Variants in ROBO2 observed in about 807,000 individuals in gnomAD.
The protein encoded by ROBO2 is roundabout homolog 2.
In ROBO2, 53 loss-of-function variants were observed where a neutral mutation model predicts 160.8. The ratio of observed to expected loss-of-function variants is 0.33; its 90% CI spans 0.26 to 0.41. The LOEUF (loss-of-function observed/expected upper bound fraction) is 0.41. ROBO2 is among the 10% of genes least tolerant of loss of function. ROBO2 has a pLI of 1.00. For synonymous variants in ROBO2, 664 were observed against 611.7 expected (o/e 1.09, Z -1.26); for missense variants, 1,577 against 1,722.4 (o/e 0.92, Z 1.49).
chr3:76,299,913 G>T (rs1392433653), intron 2 of ROBO2, among the ~76,000 whole-genome samples: 6 of 152,114 alleles, frequency 3.9e-5, no homozygotes, highest in Admixed American at 1.3e-4. Context: ...AAAGGGAAAG[G>T]TTGCAAAACA....
At chr3:76,086,803 C>A (rs1363235865) in intron 2 of ROBO2, among the ~76,000 whole-genome samples, 2 of 151,796 alleles carry the variant, frequency 1.3e-5, no homozygotes, top group Non-Finnish European at 2.9e-5. Flanking sequence ...AAAAAGTAAA[C>A]AACTTGGAAG....
At chr3:76,095,872 G>A (rs906204880) in intron 2 of ROBO2, among the ~76,000 whole-genome samples, 2 of 151,776 alleles carry the variant, frequency 1.3e-5, no homozygotes, top group Non-Finnish European at 2.9e-5. Flanking sequence ...AGACATAAAT[G>A]TGTAAAATAT....
chr3:76,995,684 T>G (rs974185114), intron 2 of ROBO2, among the ~76,000 whole-genome samples: 1 of 152,164 alleles, frequency 6.6e-6, no homozygotes, highest in East Asian at 1.9e-4. Flanking sequence ...TTTTGATTTG[T>G]ATTTCTCTGA....
chr3:76,005,354 G>A (rs1319073693), intron 2 of ROBO2, among the ~76,000 whole-genome samples: 5 of 152,202 alleles, frequency 3.3e-5, no homozygotes, highest in African/African-American at 4.8e-5. Context: ...AGAGCAGAAA[G>A]CATCAAATAT....
intron 2 of ROBO2, among the ~76,000 whole-genome samples, chr3:76,694,748 G>A (rs2092892156): frequency 6.6e-6 from 1 of 151,962 alleles, no homozygotes; most frequent in Admixed American, 6.6e-5. Flanking sequence ...ATGAAGCAGA[G>A]GAAATTATGT....
At chr3:76,085,650 T>C (rs1212932700) in intron 2 of ROBO2, among the ~76,000 whole-genome samples, 2 of 152,090 alleles carry the variant, frequency 1.3e-5, no homozygotes, top group Non-Finnish European at 2.9e-5. Flanking sequence ...CCCCTGAAAT[T>C]GGAGAGAGAC....
rs148416744 is a variant in ROBO2, at chr3:76,630,083, G to A, written c.110-467931G>A. Among the ~76,000 whole-genome samples, 263 of 152,274 alleles carry A rather than the reference G, an allele frequency of 1.7e-3. 2 individuals are homozygous for A. The highest frequency in any genetic ancestry group is 5.9e-3 in the African/African-American group (246 of 41,562). Reference sequence around the variant, plus strand: ...TTTGCATTCTTCTTCTAGTACAGCAGCTCCTCAAATAATGTCATTTTGTTA... The same window carrying A: ...TTTGCATTCTTCTTCTAGTACAGCAACTCCTCAAATAATGTCATTTTGTTA... On this transcript the variant is annotated intron_variant, in intron 2 of 26. Transcript: ENST00000487694.
chr3:76,566,120 A>C (rs756552625), intron 2 of ROBO2, among the ~76,000 whole-genome samples: 1 of 152,096 alleles, frequency 6.6e-6, no homozygotes, highest in Non-Finnish European at 1.5e-5. Flanking sequence ...GTGTGAAGGC[A>C]GACTCAAGAG....
At chr3:77,200,304 TATATATATATATA>T (rs2082757603) in intron 2 of ROBO2, among the ~76,000 whole-genome samples, 5 of 85,974 alleles carry the variant, frequency 5.8e-5, no homozygotes, top group South Asian at 6.8e-4. Flanking sequence ...TATATATATA[TATATATATATATA>T]TATATTTTAG....
chr3:76,199,619 A>C (rs1702424486), intron 2 of ROBO2, among the ~76,000 whole-genome samples: 1 of 152,144 alleles, frequency 6.6e-6, no homozygotes, highest in African/African-American at 2.4e-5. Flanking sequence ...AACCTGACCC[A>C]CAAACTCTGC....
At chr3:76,678,863 G>A (rs533492932) in intron 2 of ROBO2, among the ~76,000 whole-genome samples, 3 of 152,194 alleles carry the variant, frequency 2.0e-5, no homozygotes, top group South Asian at 4.1e-4. Flanking sequence ...TAATTTATGA[G>A]TTTTTAATGG....
At chr3:76,375,418 C>T (rs2076294811) in intron 2 of ROBO2, among the ~76,000 whole-genome samples, 1 of 151,946 alleles carries the variant, frequency 6.6e-6, no homozygotes, top group Non-Finnish European at 1.5e-5. Flanking sequence ...TCCACGCATG[C>T]AGTCATGTAT....
At chr3:76,266,787 TG>T (rs1311486414) in intron 2 of ROBO2, among the ~76,000 whole-genome samples, 1 of 152,146 alleles carries the variant, frequency 6.6e-6, no homozygotes, top group African/African-American at 2.4e-5. Flanking sequence ...ACCAAACTTT[TG>T]TGATATTTCA....
intron 2 of ROBO2, among the ~76,000 whole-genome samples, chr3:77,447,902 C>A (rs2080721928): frequency 6.6e-6 from 1 of 152,058 alleles, no homozygotes; most frequent in Non-Finnish European, 1.5e-5. Context: ...TACTCAAGGT[C>A]ATATGTGTGA....
At chr3:77,208,190 T>G (rs776885396) in intron 2 of ROBO2, among the ~76,000 whole-genome samples, 12 of 152,176 alleles carry the variant, frequency 7.9e-5, no homozygotes, top group Non-Finnish European at 1.0e-4. Context: ...TGTCTACTCA[T>G]TTATAGCTCT....
chr3:76,367,238 A>G (rs2108447731), intron 2 of ROBO2, among the ~76,000 whole-genome samples: 1 of 152,170 alleles, frequency 6.6e-6, no homozygotes, highest in Non-Finnish European at 1.5e-5. Flanking sequence ...GAACAATTGT[A>G]GAAAGAGACT....
chr3:77,146,953 C>A (rs182078330), intron 2 of ROBO2, among the ~76,000 whole-genome samples: 2 of 151,922 alleles, frequency 1.3e-5, no homozygotes, highest in African/African-American at 4.8e-5. Flanking sequence ...GGTGACAGAG[C>A]GAGACTCTGT....
intron 2 of ROBO2, among the ~76,000 whole-genome samples, chr3:76,567,620 G>GATATATATATATATAC (rs2084614122): frequency 3.0e-5 from 1 of 33,270 alleles, no homozygotes; most frequent in Non-Finnish European, 6.8e-5. Flanking sequence ...CCAAACTACT[G>GATATATATATATATAC]ATATATATAT....
At chr3:77,029,251 C>T (rs1297266381) in intron 2 of ROBO2, among the ~76,000 whole-genome samples, 3 of 152,006 alleles carry the variant, frequency 2.0e-5, no homozygotes, top group Non-Finnish European at 4.4e-5. Context: ...CTGTCATATC[C>T]AATGTACATA....
Sources: allele counts gnomAD v4.1 joint callset (sites outside exome capture counted in the v4.1 genomes callset), GRCh38; gene constraint gnomAD v4.1.1; transcripts MANE v1.5; gene names NCBI Gene and HGNC (gene_info 2026-07-23, HGNC 2026-07-21).